The following MIS18A variants were observed in gnomAD, a reference collection of about 807,000 sequenced individuals.
The protein encoded by MIS18A is protein Mis18-alpha.
MIS18A carries 14 observed loss-of-function variants against 25.0 expected under a neutral mutation model. That is an observed-to-expected ratio of 0.56 (90% CI 0.37 to 0.88). The LOEUF is 0.88. Ranked by LOEUF, MIS18A falls within the 40% of genes least tolerant of loss-of-function variation. The pLI, the probability that MIS18A is intolerant of heterozygous loss-of-function variation, is 0.00. For missense variants in MIS18A, 292 were observed against 290.8 expected, an observed-to-expected ratio of 1.00 and a Z score of -0.03; for synonymous variants, 134 against 118.6, an observed-to-expected ratio of 1.13 and a Z score of -0.84.
the MIS18A span, among the ~76,000 whole-genome samples, chr21:32,169,872 A>C: frequency 1.1e-3 from 170 of 152,260 alleles, no homozygotes; most frequent in African/African-American, 3.9e-3. Flanking sequence ...CAACAATAAA[A>C]AACAACAACA....
At chr21:32,211,904 C>T in the MIS18A span, among the ~76,000 whole-genome samples, 1 of 152,216 alleles carries the variant, frequency 6.6e-6, no homozygotes, top group African/African-American at 2.4e-5. Context: ...AAACCCAAGA[C>T]TCCATTTTCT....
chr21:32,170,052 A>G, the MIS18A span, among the ~76,000 whole-genome samples: 1 of 152,168 alleles, frequency 6.6e-6, no homozygotes, highest in African/African-American at 2.4e-5. Flanking sequence ...CAGATATTGA[A>G]CTTGCTAGAC....
the MIS18A span, among the ~76,000 whole-genome samples, chr21:32,257,434 C>T: frequency 1.3e-5 from 2 of 152,176 alleles, no homozygotes; most frequent in African/African-American, 4.8e-5. Flanking sequence ...CTGTTCATTA[C>T]ACAGCAGCAG....
chr21:32,205,293 A>G, the MIS18A span, among the ~76,000 whole-genome samples: 2 of 151,492 alleles, frequency 1.3e-5, no homozygotes, highest in African/African-American at 4.9e-5. Context: ...TTTAGTAGAG[A>G]CGGGGTTTCA....
chr21:32,241,952 C>T, the MIS18A span, among the ~76,000 whole-genome samples: 1 of 152,322 alleles, frequency 6.6e-6, no homozygotes, highest in Non-Finnish European at 1.5e-5. Flanking sequence ...CATCTCGGCT[C>T]ACTGCAAGCT....
the MIS18A span, among the ~76,000 whole-genome samples, chr21:32,173,414 A>G: frequency 6.6e-6 from 1 of 152,218 alleles, no homozygotes; most frequent in South Asian, 2.1e-4. Flanking sequence ...GCATAGAGTT[A>G]TTGTATGACC....
At chr21:32,163,328 T>C in the MIS18A span, among the ~76,000 whole-genome samples, 1 of 152,232 alleles carries the variant, frequency 6.6e-6, no homozygotes, top group Non-Finnish European at 1.5e-5. Flanking sequence ...TCCTGCTGAA[T>C]CCTCCTGTTT....
At chr21:32,254,114 C>T in the MIS18A span, among the ~76,000 whole-genome samples, 8 of 152,076 alleles carry the variant, frequency 5.3e-5, no homozygotes, top group Non-Finnish European at 8.8e-5. Flanking sequence ...GCCTGTAGTC[C>T]CAGTTACTTG....
the MIS18A span, among the ~76,000 whole-genome samples, chr21:32,244,374 C>A: frequency 6.6e-6 from 1 of 151,930 alleles, no homozygotes; most frequent in Admixed American, 6.6e-5. Context: ...TCAAACTCAT[C>A]AAATTGTACA....
chr21:32,274,854 G>T lies in MIS18A; in HGVS notation c.377C>A (p.Ser126Tyr). The T allele has an allele frequency of 6.2e-7, 1 of 1,612,572 alleles. No individual in the cohort carries two copies. Among genetic ancestry groups the T allele is most frequent in the Non-Finnish European group, 8.5e-7 (1 of 1,179,026 alleles). The change falls in exon 2 of 5, where the codon TCC (serine) becomes TAC (tyrosine). Residue 126 changes from serine (S) to tyrosine (Y), a missense_variant. Transcript: ENST00000290130. ...NVSVDKEQKLSKREKENGCVL... is the reference protein window; with the variant it reads ...NVSVDKEQKLYKREKENGCVL... Reference sequence around the variant, plus strand: ...CCAACCATTTTCCTTTTCACGTTTGGATAGCTTCTGTTCCTTATCCACAGA... The same window carrying T: ...CCAACCATTTTCCTTTTCACGTTTGTATAGCTTCTGTTCCTTATCCACAGA...
chr21:32,230,343 T>C, the MIS18A span, among the ~76,000 whole-genome samples: 1 of 152,330 alleles, frequency 6.6e-6, no homozygotes, highest in South Asian at 2.1e-4. Context: ...CTCTGGGTCT[T>C]AGTATCCTCA....
At chr21:32,176,775 A>T in the MIS18A span, among the ~76,000 whole-genome samples, 244 of 148,764 alleles carry the variant, frequency 1.6e-3, no homozygotes, top group African/African-American at 6.0e-3. Context: ...AATATCAACA[A>T]GGCAAAACTT....
intron 3 of MIS18A, 24 bp downstream of exon 3, chr21:32,270,383 T>G: frequency 6.2e-7 from 1 of 1,613,194 alleles, no homozygotes; most frequent in Non-Finnish European, 8.5e-7. Context: ...AGTTGTGAGG[T>G]AAACATTTAT....
At chr21:32,276,297 A>G (rs562518829) in intron 1 of MIS18A, among the ~76,000 whole-genome samples, 49 of 151,938 alleles carry the variant, frequency 3.2e-4, no homozygotes, top group African/African-American at 1.1e-3. Context: ...CGTCTCTACT[A>G]AAGATACAAA....
At chr21:32,229,091 C>T in the MIS18A span, among the ~76,000 whole-genome samples, 9 of 152,202 alleles carry the variant, frequency 5.9e-5, no homozygotes, top group South Asian at 4.1e-4. Flanking sequence ...ATTTGAAATA[C>T]TGCCCTCTAA....
At chr21:32,179,997 A>G in the MIS18A span, among the ~76,000 whole-genome samples, 9 of 152,208 alleles carry the variant, frequency 5.9e-5, no homozygotes, top group Non-Finnish European at 1.2e-4. Flanking sequence ...ACCGTACCAG[A>G]GATTCCACAA....
chr21:32,163,573 G>T, the MIS18A span, among the ~76,000 whole-genome samples: 2 of 152,160 alleles, frequency 1.3e-5, no homozygotes, highest in African/African-American at 4.8e-5. Flanking sequence ...TGACACAGGA[G>T]CCAAGAAAAG....
rs779539898 is a variant in MIS18A at position 32,270,569 on chromosome 21, CA to C, written c.402-41del. 7.4e-6 allele frequency: 11 copies of C among 1,485,124 alleles called. No homozygotes were observed. In the African/African-American group the frequency reaches 1.3e-4, roughly 17 times the overall value. 92.0% of individuals were successfully genotyped at this position (1,485,124 alleles called of 1,614,324 possible). Reference sequence around the variant, plus strand: ...TGTCTTGCTTTAGGAAACGAAGCAGCAACTCATTATAATAAAAATCTCACTG... The same window carrying C: ...TGTCTTGCTTTAGGAAACGAAGCAGCACTCATTATAATAAAAATCTCACTG... On this transcript the variant is annotated intron_variant, in intron 2 of 4. Transcript: ENST00000290130.
chr21:32,174,166 T>C, the MIS18A span, among the ~76,000 whole-genome samples: 76 of 152,026 alleles, frequency 5.0e-4, no homozygotes, highest in Middle Eastern at 0.01. Context: ...GGTTTCACCA[T>C]GTTGGTCGGG....
Sources: allele counts gnomAD v4.1 joint callset (sites outside exome capture counted in the v4.1 genomes callset), GRCh38; gene constraint gnomAD v4.1.1; transcripts MANE v1.5; gene names NCBI Gene and HGNC (gene_info 2026-07-23, HGNC 2026-07-21).